The following SLC7A8 variants were observed in gnomAD, a reference collection of about 807,000 sequenced individuals.
The protein encoded by SLC7A8 is large neutral amino acids transporter small subunit 2.
SLC7A8 carries 30 observed loss-of-function variants against 51.2 expected under a neutral mutation model. The observed-to-expected ratio is 0.59, with a 90% CI of 0.44 to 0.80. SLC7A8 has a LOEUF of 0.80. Among genes scored for constraint, SLC7A8 ranks in the 30% least tolerant of loss-of-function variants. The pLI, the probability that SLC7A8 is intolerant of heterozygous loss-of-function variation, is 0.00. For synonymous variants in SLC7A8, 257 were observed against 275.8 expected (o/e 0.93, Z 0.67); for missense variants, 612 against 674.4 (o/e 0.91, Z 1.03).
intron 3 of SLC7A8, among the ~76,000 whole-genome samples, chr14:23,160,267 C>T (rs2048914308): frequency 6.6e-6 from 1 of 152,132 alleles, no homozygotes; most frequent in Non-Finnish European, 1.5e-5. Context: ...GATGTGGCTA[C>T]AGGATAAAAC....
chr14:23,177,205 A>T (rs908207675), intron 1 of SLC7A8, among the ~76,000 whole-genome samples: 4 of 152,238 alleles, frequency 2.6e-5, no homozygotes, highest in Non-Finnish European at 4.4e-5. Context: ...CTGCCTCCTT[A>T]CATATTTTAA....
intron 1 of SLC7A8, 108 bp from the exon 2 acceptor site, chr14:23,166,648 G>T: frequency 9.0e-7 from 1 of 1,116,778 alleles, no homozygotes; most frequent in Non-Finnish European, 1.3e-6. Context: ...GAAATGCCTT[G>T]GATATATGTA....
intron 3 of SLC7A8, among the ~76,000 whole-genome samples, chr14:23,145,252 G>A (rs1394932105): frequency 6.6e-6 from 1 of 151,248 alleles, no homozygotes; most frequent in South Asian, 2.1e-4. Flanking sequence ...CTTCTGGCCG[G>A]GCATGGTGGC....
intron 7 of SLC7A8, among the ~76,000 whole-genome samples, chr14:23,131,794 G>C (rs1260921462): frequency 6.6e-6 from 1 of 152,238 alleles, no homozygotes; most frequent in African/African-American, 2.4e-5. Context: ...GTTAGACCCT[G>C]AATGTGGTAT....
chr14:23,171,181 G>A (rs983648467), intron 1 of SLC7A8, among the ~76,000 whole-genome samples: 1 of 152,146 alleles, frequency 6.6e-6, no homozygotes, highest in Non-Finnish European at 1.5e-5. Flanking sequence ...TAGAGTTTTA[G>A]TCCTGCTTCT....
chr14:23,152,039 A>G (rs1033723162), intron 3 of SLC7A8, among the ~76,000 whole-genome samples: 1 of 151,800 alleles, frequency 6.6e-6, no homozygotes, highest in African/African-American at 2.4e-5. Context: ...TTCCACCTCA[A>G]ACAAAACAAA....
At chr14:23,140,934 T>C (rs2048739132) in intron 4 of SLC7A8, among the ~76,000 whole-genome samples, 1 of 152,206 alleles carries the variant, frequency 6.6e-6, no homozygotes, top group Non-Finnish European at 1.5e-5. Flanking sequence ...AAATACAGGA[T>C]TGGAGTCATT....
intron 1 of SLC7A8, among the ~76,000 whole-genome samples, chr14:23,174,715 C>G (rs1025797366): frequency 6.6e-6 from 1 of 152,216 alleles, no homozygotes; most frequent in African/African-American, 2.4e-5. Flanking sequence ...TGCTCCCACT[C>G]CTGCAGCAGA....
chr14:23,172,917 T>C (rs2048981948), intron 1 of SLC7A8, among the ~76,000 whole-genome samples: 1 of 152,220 alleles, frequency 6.6e-6, no homozygotes, highest in African/African-American at 2.4e-5. Flanking sequence ...GGATGATTTT[T>C]TTTTTTAAAG....
At chr14:23,136,216 C>G (rs890537076) in intron 7 of SLC7A8, among the ~76,000 whole-genome samples, 1 of 152,160 alleles carries the variant, frequency 6.6e-6, no homozygotes, top group Non-Finnish European at 1.5e-5. Context: ...CATGAACTCC[C>G]TAGGCCGGTG....
chr14:23,171,858 C>T lies in SLC7A8; in HGVS notation c.152-5318G>A, dbSNP rs17794280. Reference sequence around the variant, plus strand: ...CCCATCGGGACTGTACAAACAGCTCCTCAGGGGTGGTAGCAGGTCAAGACT... The same window carrying T: ...CCCATCGGGACTGTACAAACAGCTCTTCAGGGGTGGTAGCAGGTCAAGACT... On this transcript the variant is annotated intron_variant, in intron 1 of 10. Coordinates refer to ENST00000316902, the MANE Select transcript of SLC7A8 (RefSeq NM_012244.4). Among the ~76,000 whole-genome samples the T allele has an allele frequency of 4.5e-3, 685 of 152,300 alleles. 4 individuals are homozygous for T. The highest frequency in any genetic ancestry group is 7.5e-3 in the Non-Finnish European group (511 of 68,020).
chr14:23,181,847 G>C (rs1303205578), intron 1 of SLC7A8, among the ~76,000 whole-genome samples: 2 of 152,210 alleles, frequency 1.3e-5, no homozygotes, highest in Non-Finnish European at 2.9e-5. Flanking sequence ...CATCTCCAAG[G>C]CTTCTCTGGA....
chr14:23,135,818 C>T (rs1211125273), intron 7 of SLC7A8, among the ~76,000 whole-genome samples: 1 of 152,116 alleles, frequency 6.6e-6, no homozygotes, highest in African/African-American at 2.4e-5. Context: ...CACATTATAT[C>T]AATGTATTGA....
rs766718689 is a variant in SLC7A8, at chr14:23,137,984, A to C, written c.953T>G (p.Met318Arg). The change falls in exon 7 of 11, where the codon ATG (methionine) becomes AGG (arginine). Residue 318 changes from methionine (M) to arginine (R), a missense_variant. Transcript: ENST00000316902. ...TGTGGACAGGGCAACAGAAATGGGC[A>C]TGATCCAGGCCATGACTCCTAGGAG... ...EKLLGVMAWI[M>R]PISVALSTFG... 6.2e-7 allele frequency: 1 copy of C among 1,614,070 alleles called. No individual in the cohort carries two copies. The highest frequency in any genetic ancestry group is 8.5e-7 in the Non-Finnish European group (1 of 1,180,020).
chr14:23,140,366 G>C (rs552053395), intron 5 of SLC7A8, 105 bp downstream of exon 5: 303 of 1,203,446 alleles, frequency 2.5e-4, no homozygotes, highest in Middle Eastern at 8.7e-4. Flanking sequence ...AGTTAGAATG[G>C]GGCTTTGGAA....
chr14:23,140,293 G>A (rs1177211694), intron 5 of SLC7A8, among the ~76,000 whole-genome samples, 178 bp downstream of exon 5: 2 of 152,198 alleles, frequency 1.3e-5, no homozygotes, highest in African/African-American at 4.8e-5. Context: ...TCCTGGTGGG[G>A]TGAACGGCAA....
At chr14:23,141,108 C>T (rs10139545) in intron 4 of SLC7A8, among the ~76,000 whole-genome samples, 6,491 of 152,110 alleles carry the variant, frequency 0.043, 460 homozygotes, top group African/African-American at 0.15. Context: ...CATAGTGAGA[C>T]TCCCATCTCC....
At position 23,127,333 on chromosome 14, in the gene SLC7A8, G is replaced by A. The variant is rs200035485; in HGVS notation, c.1452C>T (p.Thr484=). 7.4e-5 allele frequency: 119 copies of A among 1,613,898 alleles called. No homozygotes were observed. The highest frequency in any genetic ancestry group is 9.9e-5 in the Non-Finnish European group (117 of 1,179,934). ...CCACACACATCTTCTGGCTCACCAG[G>A]GTTAGCAGCTCTGTAGGAAGAGATC... ...KCFSDFIELL[T]LVSQKMCVVV... is the part of the protein sequence containing the mutation. Residue 484 remains threonine, a synonymous_variant, in exon 11 of 11, where the codon ACC becomes ACT. Transcript: ENST00000316902.
intron 7 of SLC7A8, among the ~76,000 whole-genome samples, chr14:23,134,413 G>A (rs572779738): frequency 4.5e-4 from 61 of 136,284 alleles, no homozygotes; most frequent in African/African-American, 1.6e-3. Context: ...CTCCAGCCTG[G>A]GTGACAAAGT....
Sources: allele counts gnomAD v4.1 joint callset (sites outside exome capture counted in the v4.1 genomes callset), GRCh38; gene constraint gnomAD v4.1.1; transcripts MANE v1.5; gene names NCBI Gene and HGNC (gene_info 2026-07-23, HGNC 2026-07-21).